Variants in PDE10A observed in about 807,000 individuals in gnomAD.
The protein encoded by PDE10A is phosphodiesterase 10A, also known as cAMP and cAMP-inhibited cGMP 3',5'-cyclic phosphodiesterase 10A.
In PDE10A, 39 loss-of-function variants were observed where a neutral mutation model predicts 97.7. The observed-to-expected ratio is 0.40, with a 90% CI of 0.31 to 0.52. The LOEUF (loss-of-function observed/expected upper bound fraction) is 0.52. Among genes scored for constraint, PDE10A ranks in the 20% least tolerant of loss-of-function variants. The probability of loss-of-function intolerance (pLI) is 0.56; values close to 1 mark genes in which losing one functional copy is unlikely to be tolerated. For missense variants in PDE10A, 731 were observed against 1,047.8 expected (o/e 0.70, Z 4.17); for synonymous variants, 371 against 376.8 (o/e 0.98, Z 0.18).
chr6:165,645,871 T>TAAAAAAAAAAA (rs1583706286), intron 1 of PDE10A, among the ~76,000 whole-genome samples: 1 of 86,948 alleles, frequency 1.2e-5, no homozygotes, highest in Non-Finnish European at 2.7e-5. Context: ...AAAAAAAAAG[T>TAAAAAAAAAAA]TTACTTCCTT....
chr6:165,578,860 C>A (rs1449789259), intron 1 of PDE10A, among the ~76,000 whole-genome samples: 2 of 152,180 alleles, frequency 1.3e-5, no homozygotes, highest in Non-Finnish European at 2.9e-5. Context: ...CAAACAGCTA[C>A]ACATCAGTGG....
chr6:165,479,680 C>G (rs1779491697), intron 3 of PDE10A, among the ~76,000 whole-genome samples: 1 of 152,166 alleles, frequency 6.6e-6, no homozygotes, highest in Non-Finnish European at 1.5e-5. Flanking sequence ...CACAACTCCC[C>G]TCTATACTAT....
At chr6:165,739,401 T>C (rs1324471983) in intron 1 of PDE10A, among the ~76,000 whole-genome samples, 1 of 152,192 alleles carries the variant, frequency 6.6e-6, no homozygotes, top group Non-Finnish European at 1.5e-5. Flanking sequence ...GGACAGTGTC[T>C]TCAATAAATG....
intron 2 of PDE10A, among the ~76,000 whole-genome samples, chr6:165,496,852 G>A (rs1434700986): frequency 6.6e-6 from 1 of 152,138 alleles, no homozygotes; most frequent in African/African-American, 2.4e-5. Context: ...ATTAAATACA[G>A]TTTCCAAAAT....
intron 1 of PDE10A, among the ~76,000 whole-genome samples, chr6:165,618,961 AGAC>A (rs1179479445): frequency 0.013 from 1,231 of 95,544 alleles, 21 homozygotes; most frequent in African/African-American, 0.073. Context: ...AGTGCAGTGT[AGAC>A]TAGTGTAGTG....
intron 5 of PDE10A, among the ~76,000 whole-genome samples, chr6:165,446,856 G>A (rs377508997): frequency 1.3e-5 from 2 of 152,134 alleles, no homozygotes; most frequent in Admixed American, 6.5e-5. Flanking sequence ...TGCCCCTAGA[G>A]AGAAGCATGC....
At chr6:165,926,366 T>C (rs939101812) in intron 1 of PDE10A, among the ~76,000 whole-genome samples, 1 of 152,224 alleles carries the variant, frequency 6.6e-6, no homozygotes, top group East Asian at 1.9e-4. Context: ...TAAATATGTA[T>C]GTCTCCTTTA....
rs556644279 is a variant in PDE10A, at chr6:165,969,637, GA to G, written c.-615+17891del. Reference sequence around the variant, plus strand: ...GCACCAACCTAATAGATTAAATACAGAAAAAAATACAGCTATAAATGTATTT... The same window carrying G: ...GCACCAACCTAATAGATTAAATACAGAAAAAATACAGCTATAAATGTATTT... On this transcript the variant is annotated intron_variant, in intron 1 of 19. Coordinates refer to the PDE10A transcript ENST00000366882. Among the ~76,000 whole-genome samples, 24 of 151,962 alleles carry G rather than the reference GA, an allele frequency of 1.6e-4. No homozygotes were observed. The South Asian group carries it at 4.0e-3, about 25-fold the overall frequency.
intron 15 of PDE10A, among the ~76,000 whole-genome samples, chr6:165,393,229 T>C (rs1266289648): frequency 6.6e-6 from 1 of 152,198 alleles, no homozygotes; most frequent in Non-Finnish European, 1.5e-5. Flanking sequence ...ACTGCAAATA[T>C]GTATATCATG....
At chr6:165,428,168 C>T (rs1789298743) in intron 10 of PDE10A, among the ~76,000 whole-genome samples, 1 of 152,122 alleles carries the variant, frequency 6.6e-6, no homozygotes, top group South Asian at 2.1e-4. Context: ...ATTCTGACAA[C>T]TAGAAGCCAC....
chr6:165,945,643 C>A (rs571464274), intron 1 of PDE10A, among the ~76,000 whole-genome samples: 4 of 152,300 alleles, frequency 2.6e-5, no homozygotes, highest in Admixed American at 1.3e-4. Context: ...GTGCCATCTA[C>A]AAACCAGGAA....
chr6:165,978,287 T>C (rs770569946), intron 1 of PDE10A, among the ~76,000 whole-genome samples: 2 of 152,252 alleles, frequency 1.3e-5, no homozygotes, highest in Non-Finnish European at 2.9e-5. Flanking sequence ...CAAATTTATA[T>C]AATTATGAAT....
chr6:165,744,287 T>C (rs1443057510), intron 1 of PDE10A, among the ~76,000 whole-genome samples: 1 of 152,196 alleles, frequency 6.6e-6, no homozygotes, highest in Non-Finnish European at 1.5e-5. Context: ...TTCAACTCTA[T>C]AATAAATAAG....
At chr6:165,433,650 C>T (rs1053813912) in intron 6 of PDE10A, among the ~76,000 whole-genome samples, 1 of 152,130 alleles carries the variant, frequency 6.6e-6, no homozygotes, top group African/African-American at 2.4e-5. Flanking sequence ...TAATAATGAT[C>T]AATTACTTAT....
intron 2 of PDE10A, among the ~76,000 whole-genome samples, chr6:165,515,320 T>C (rs1781728934): frequency 1.3e-5 from 2 of 152,186 alleles, no homozygotes; most frequent in African/African-American, 4.8e-5. Flanking sequence ...TTATTTGCTA[T>C]ATTTAATTAT....
chr6:165,345,448 G>C (rs1782243094), intron 18 of PDE10A, among the ~76,000 whole-genome samples: 1 of 152,148 alleles, frequency 6.6e-6, no homozygotes, highest in Non-Finnish European at 1.5e-5. Flanking sequence ...TTCCAAACCA[G>C]TTAGATGGCC....
intron 2 of PDE10A, among the ~76,000 whole-genome samples, chr6:165,523,074 G>A (rs1213274820): frequency 6.6e-6 from 1 of 151,896 alleles, no homozygotes; most frequent in Non-Finnish European, 1.5e-5. Flanking sequence ...CTAAGGAAGT[G>A]AAAGATAGCT....
At chr6:165,718,284 C>T (rs1792077932) in intron 1 of PDE10A, 1 of 152,100 alleles carries the variant, frequency 6.6e-6, no homozygotes, top group Non-Finnish European at 1.5e-5. Context: ...GTGCAGGGAC[C>T]TGGTTAATCT....
At chr6:165,902,716 G>T (rs1782148702) in intron 1 of PDE10A, among the ~76,000 whole-genome samples, 1 of 152,132 alleles carries the variant, frequency 6.6e-6, no homozygotes, top group Non-Finnish European at 1.5e-5. Context: ...GGCTGTTCTT[G>T]CCAGTGGAAT....
Sources: allele counts gnomAD v4.1 joint callset (sites outside exome capture counted in the v4.1 genomes callset), GRCh38; gene constraint gnomAD v4.1.1; transcripts MANE v1.5; gene names NCBI Gene and HGNC (gene_info 2026-07-23, HGNC 2026-07-21).